The following SNTG1 variants were observed in gnomAD, a reference collection of about 807,000 sequenced individuals.
The protein encoded by SNTG1 is gamma-1-syntrophin.
A neutral mutation model predicts 74.7 loss-of-function variants in SNTG1; 39 were observed. That is an observed-to-expected ratio of 0.52 (90% CI 0.40 to 0.68). The LOEUF (loss-of-function observed/expected upper bound fraction) is 0.68, where lower values mean the gene tolerates loss of function less well. Among genes scored for constraint, SNTG1 ranks in the 30% least tolerant of loss-of-function variants. The probability of loss-of-function intolerance (pLI) is 0.00; values close to 1 mark genes in which losing one functional copy is unlikely to be tolerated. For missense variants in SNTG1, 685 were observed against 609.5 expected, an observed-to-expected ratio of 1.12 and a Z score of -1.30; for synonymous variants, 254 against 217.1, an observed-to-expected ratio of 1.17 and a Z score of -1.49.
intron 8 of SNTG1, among the ~76,000 whole-genome samples, chr8:50,454,143 A>G (rs866996349): frequency 3.3e-5 from 5 of 152,302 alleles, no homozygotes; most frequent in Middle Eastern, 3.4e-3. Flanking sequence ...GCTGATGGCC[A>G]TCTCTATATC....
At chr8:50,096,752 C>T (rs1195654358) in intron 1 of SNTG1, among the ~76,000 whole-genome samples, 1 of 152,042 alleles carries the variant, frequency 6.6e-6, no homozygotes, top group African/African-American at 2.4e-5. Flanking sequence ...GTTTTTAGAA[C>T]AGCTCACAAA....
chr8:50,648,919 A>G (rs2095127376), intron 13 of SNTG1, among the ~76,000 whole-genome samples: 1 of 152,094 alleles, frequency 6.6e-6, no homozygotes, highest in Admixed American at 6.6e-5. Flanking sequence ...TTTCTTTCCA[A>G]CCATGAATGC....
chr8:50,585,655 C>T (rs565032208), intron 12 of SNTG1, among the ~76,000 whole-genome samples: 2 of 151,954 alleles, frequency 1.3e-5, no homozygotes, highest in East Asian at 3.9e-4. Flanking sequence ...TAAAACTTTG[C>T]TCTCTGAATG....
At chr8:50,376,756 T>TATATATAGAGAG (rs1381048539) in intron 2 of SNTG1, among the ~76,000 whole-genome samples, 45 of 89,954 alleles carry the variant, frequency 5.0e-4, no homozygotes, top group Non-Finnish European at 6.5e-4. Flanking sequence ...TATATATATA[T>TATATATAGAGAG]AGAGAGAGAG....
chr8:50,681,381 C>T (rs896789347), intron 15 of SNTG1, among the ~76,000 whole-genome samples: 1 of 151,940 alleles, frequency 6.6e-6, no homozygotes, highest in Non-Finnish European at 1.5e-5. Flanking sequence ...CTCTGAGATA[C>T]ACCATGCTCA....
At position 50,729,919 on chromosome 8, in the gene SNTG1, G is replaced by C. The variant is rs1190781596; in HGVS notation, c.1284+20941G>C. Among the ~76,000 whole-genome samples the C allele has an allele frequency of 2.0e-5, 3 of 152,228 alleles. No homozygotes were observed. The South Asian group carries it at 6.2e-4, about 32-fold the overall frequency. On this transcript the variant is annotated intron_variant, in intron 17 of 18. Coordinates refer to ENST00000642720, the MANE Select transcript of SNTG1 (RefSeq NM_018967.5). ...AGGAATTCATTATGATGGGTAAAAA[G>C]GCAAATCGGCAGCAGCAGGTACCCC...
intron 2 of SNTG1, among the ~76,000 whole-genome samples, chr8:50,292,469 T>A (rs962945499): frequency 2.0e-5 from 3 of 152,058 alleles, no homozygotes; most frequent in Non-Finnish European, 4.4e-5. Context: ...TTTTTTTAAA[T>A]CTCTCTGATT....
At chr8:50,642,533 A>G (rs535995261) in intron 13 of SNTG1, among the ~76,000 whole-genome samples, 65 of 152,214 alleles carry the variant, frequency 4.3e-4, no homozygotes, top group African/African-American at 1.5e-3. Context: ...TTCAGTAACC[A>G]TAACCATAAT....
At chr8:50,525,266 C>T (rs975491717) in intron 9 of SNTG1, among the ~76,000 whole-genome samples, 7 of 152,018 alleles carry the variant, frequency 4.6e-5, no homozygotes, top group African/African-American at 1.7e-4. Flanking sequence ...TTCCCTTTAC[C>T]TGCAAAATTG....
At chr8:50,251,522 G>A (rs1586845713) in intron 2 of SNTG1, among the ~76,000 whole-genome samples, 1 of 151,660 alleles carries the variant, frequency 6.6e-6, no homozygotes, top group African/African-American at 2.4e-5. Flanking sequence ...GAAAGTAAAA[G>A]GATGGAAAAA....
intron 18 of SNTG1, among the ~76,000 whole-genome samples, chr8:50,773,625 G>A (rs1483358031): frequency 1.3e-5 from 2 of 152,048 alleles, no homozygotes; most frequent in African/African-American, 4.8e-5. Flanking sequence ...AACTGCAACA[G>A]CATCAGACTC....
Position 50,402,364 on chromosome 8 carries a change from G to A in SNTG1, c.162+20G>A. On this transcript the variant is annotated intron_variant, in intron 4 of 18. Coordinates refer to ENST00000642720, the MANE Select transcript of SNTG1 (RefSeq NM_018967.5). ...TCTGGTGTAAGTAGCTTTTTCTTCT[G>A]TTGAAATTTTTTGTGTTTGTTTTTT... 1 of 1,564,328 alleles carries A rather than the reference G, an allele frequency of 6.4e-7. No homozygotes were observed. The highest frequency in any genetic ancestry group is 8.6e-7 in the Non-Finnish European group (1 of 1,162,176).
intron 13 of SNTG1, among the ~76,000 whole-genome samples, chr8:50,594,147 G>A (rs1165832160): frequency 6.6e-6 from 1 of 152,188 alleles, no homozygotes; most frequent in Non-Finnish European, 1.5e-5. Context: ...TGGAAGTCAA[G>A]TGATGTTGTG....
chr8:50,653,605 T>C lies in SNTG1; in HGVS notation c.850-3304T>C, dbSNP rs542046851. ...TGCATTGTTTATGAAACAAACTGTTTATTTTTTTCTATATGTTTATTTTGA... is the reference window on the plus strand; with the variant it reads ...TGCATTGTTTATGAAACAAACTGTTCATTTTTTTCTATATGTTTATTTTGA... On this transcript the variant is annotated intron_variant, in intron 13 of 18. Coordinates refer to ENST00000642720, the MANE Select transcript of SNTG1 (RefSeq NM_018967.5). Among the ~76,000 whole-genome samples, 24 of 152,332 alleles carry C rather than the reference T, an allele frequency of 1.6e-4. 1 individual carries two copies. The South Asian group carries it at 4.6e-3, about 29-fold the overall frequency.
chr8:50,697,700 A>G (rs1003580994), intron 15 of SNTG1, among the ~76,000 whole-genome samples: 1 of 151,932 alleles, frequency 6.6e-6, no homozygotes, highest in Non-Finnish European at 1.5e-5. Flanking sequence ...TGATCATATG[A>G]TTTTTGGCCT....
chr8:50,735,883 T>A (rs1248713474), intron 17 of SNTG1, among the ~76,000 whole-genome samples: 1 of 152,010 alleles, frequency 6.6e-6, no homozygotes, highest in African/African-American at 2.4e-5. Context: ...AAGGTCGGGT[T>A]ACCCACAAAG....
Position 50,448,312 on chromosome 8 carries a change from C to CA in SNTG1, c.220-1345dup, listed in dbSNP as rs879616832. On this transcript the variant is annotated intron_variant, in intron 5 of 18. Transcript: ENST00000642720. ...TGGAATTAGAAAGGACTCTACTTGC[C>CA]AAAAAAAAAAATTCAATATTCCTGC... Among the ~76,000 whole-genome samples, 561 of 136,788 alleles carry CA rather than the reference C, an allele frequency of 4.1e-3. 3 individuals are homozygous for CA. Among genetic ancestry groups the CA allele is most frequent in the Middle Eastern group, 7.5e-3 (2 of 268 alleles). The allele number at this position is 136,788 out of a possible 152,430, so 89.7% of individuals were successfully genotyped here. A position where few individuals can be genotyped will look rare whatever the true frequency, so the allele number is the denominator to read the frequency against.
chr8:50,151,727 A>G (rs933691706), intron 1 of SNTG1, among the ~76,000 whole-genome samples: 3 of 152,078 alleles, frequency 2.0e-5, no homozygotes, highest in African/African-American at 7.2e-5. Context: ...GTTTTGAGTG[A>G]GTTTCTTAAT....
At chr8:50,164,643 T>C (rs1453005157) in intron 1 of SNTG1, among the ~76,000 whole-genome samples, 1 of 152,198 alleles carries the variant, frequency 6.6e-6, no homozygotes, top group African/African-American at 2.4e-5. Context: ...TTGTTTTCTT[T>C]CCCTGCTACA....
Sources: allele counts gnomAD v4.1 joint callset (sites outside exome capture counted in the v4.1 genomes callset), GRCh38; gene constraint gnomAD v4.1.1; transcripts MANE v1.5; gene names NCBI Gene and HGNC (gene_info 2026-07-23, HGNC 2026-07-21).